PARD3B: variants seen among roughly 807,000 people sequenced by gnomAD.
PARD3B encodes par-3 family cell polarity regulator beta.
Under a neutral mutation model 130.2 loss-of-function variants are expected in PARD3B, and 103 were observed. The ratio of observed to expected loss-of-function variants is 0.79; its 90% CI spans 0.67 to 0.93. The LOEUF is 0.93. Among genes scored for constraint, PARD3B ranks in the 40% least tolerant of loss-of-function variants. The pLI, the probability that PARD3B is intolerant of heterozygous loss-of-function variation, is 0.00. For synonymous variants in PARD3B, 583 were observed against 553.2 expected (o/e 1.05, Z -0.76); for missense variants, 1,609 against 1,499.2 (o/e 1.07, Z -1.21).
chr2:204,950,182 T>C (rs966828841), intron 2 of PARD3B, among the ~76,000 whole-genome samples: 2 of 152,314 alleles, frequency 1.3e-5, no homozygotes, highest in East Asian at 1.9e-4. Flanking sequence ...TTACTGGTCA[T>C]GTAAACCTAA....
intron 1 of PARD3B, among the ~76,000 whole-genome samples, chr2:204,571,755 A>C (rs1201297944): frequency 6.6e-6 from 1 of 152,242 alleles, no homozygotes; most frequent in Non-Finnish European, 1.5e-5. Context: ...GTAGTAGATG[A>C]GTGAATGAGA....
At chr2:205,038,083 T>A (rs1417930637) in intron 3 of PARD3B, among the ~76,000 whole-genome samples, 2 of 152,126 alleles carry the variant, frequency 1.3e-5, no homozygotes, top group Non-Finnish European at 2.9e-5. Context: ...AGAGGTCACA[T>A]GATCTAGGAC....
intron 4 of PARD3B, among the ~76,000 whole-genome samples, chr2:205,052,683 A>G (rs1425282018): frequency 6.6e-6 from 1 of 151,928 alleles, no homozygotes; most frequent in Non-Finnish European, 1.5e-5. Flanking sequence ...CACAGTGAGC[A>G]GAATGAGAGA....
chr2:205,352,354 G>T lies in PARD3B; in HGVS notation c.2631-48659G>T, dbSNP rs2044026073. Among the ~76,000 whole-genome samples the T allele has an allele frequency of 1.3e-5, 2 of 152,150 alleles. No homozygotes were observed. The highest frequency in any genetic ancestry group is 4.8e-5 in the African/African-American group (2 of 41,436). ...GATTTTTGTGGTTTCTCATGTCGTGGATTACAGGGACTCTTGTAAATGGGT... is the reference window on the plus strand; with the variant it reads ...GATTTTTGTGGTTTCTCATGTCGTGTATTACAGGGACTCTTGTAAATGGGT... On this transcript the variant is annotated intron_variant, in intron 18 of 22. Transcript: ENST00000406610. This position sits in a 1 kb window ranked among gnomAD's most constrained non-coding sequence, Gnocchi z 5.2.
At chr2:205,400,555 C>G (rs113728091) in intron 18 of PARD3B, among the ~76,000 whole-genome samples, 3 of 152,032 alleles carry the variant, frequency 2.0e-5, no homozygotes, top group Non-Finnish European at 1.5e-5. Context: ...GCACGAGAAT[C>G]GCTTGAACCC....
chr2:204,923,308 C>A lies in PARD3B; in HGVS notation c.223-41844C>A, dbSNP rs1387820605. Among the ~76,000 whole-genome samples the A allele has an allele frequency of 2.6e-5, 4 of 151,722 alleles. No homozygotes were observed. The East Asian group carries it at 7.7e-4, about 29-fold the overall frequency. On this transcript the variant is annotated intron_variant, in intron 2 of 22. Transcript: ENST00000406610. ...ATAATTTAATTGTTCAGTTGTTTTG[C>A]TTTTGCTGGGAAATAATTTTGAAGG...
chr2:205,453,359 C>A (rs750925567), intron 20 of PARD3B, among the ~76,000 whole-genome samples: 1 of 152,070 alleles, frequency 6.6e-6, no homozygotes, highest in Non-Finnish European at 1.5e-5. Context: ...TCAGGGCCAG[C>A]TGGAGGCCAG....
intron 3 of PARD3B, among the ~76,000 whole-genome samples, chr2:205,043,272 C>T (rs1698516569): frequency 6.6e-6 from 1 of 152,036 alleles, no homozygotes; most frequent in South Asian, 2.1e-4. Flanking sequence ...CGAGATAACA[C>T]AGCTCACAAT....
At chr2:205,178,277 A>T (rs1467067845) in intron 13 of PARD3B, among the ~76,000 whole-genome samples, 2 of 151,870 alleles carry the variant, frequency 1.3e-5, no homozygotes, top group Non-Finnish European at 2.9e-5. Flanking sequence ...GATAAAAAAA[A>T]AATACTCAGT....
chr2:205,380,155 ATAAAGAATATATATTATATAATATG>A (rs1574857610), intron 18 of PARD3B, among the ~76,000 whole-genome samples: 2 of 107,120 alleles, frequency 1.9e-5, no homozygotes, highest in African/African-American at 7.2e-5. Flanking sequence ...TATATATTAT[ATAAAGAATATATATTATATAATATG>A]TAAAGAATAT....
intron 3 of PARD3B, among the ~76,000 whole-genome samples, chr2:204,999,023 A>T (rs749206605): frequency 7.3e-5 from 11 of 151,676 alleles, no homozygotes; most frequent in Non-Finnish European, 1.3e-4. Flanking sequence ...TTAAACTGGC[A>T]CTTCTAGAGT....
At chr2:204,820,294 C>A (rs1217728936) in intron 2 of PARD3B, among the ~76,000 whole-genome samples, 1 of 150,256 alleles carries the variant, frequency 6.7e-6, no homozygotes, top group East Asian at 2.1e-4. Context: ...TCAGGCTGGT[C>A]TTGAACTCCC....
chr2:204,614,142 A>G (rs1341068411), intron 1 of PARD3B, among the ~76,000 whole-genome samples: 2 of 152,142 alleles, frequency 1.3e-5, no homozygotes, highest in Non-Finnish European at 2.9e-5. Context: ...TGAGGACTTT[A>G]TAGACTAGTA....
intron 2 of PARD3B, among the ~76,000 whole-genome samples, chr2:204,886,881 G>A (rs1422939603): frequency 2.6e-5 from 4 of 152,152 alleles, no homozygotes; most frequent in Admixed American, 1.3e-4. Flanking sequence ...TAACATCAGG[G>A]TGTCATACAA....
chr2:205,467,144 A>G (rs1019116831), intron 20 of PARD3B, among the ~76,000 whole-genome samples: 1 of 152,238 alleles, frequency 6.6e-6, no homozygotes, highest in Non-Finnish European at 1.5e-5. Context: ...TTGTTTGAAT[A>G]CCAATATTTT....
At chr2:205,615,303 T>A (rs953336742) in intron 22 of PARD3B, among the ~76,000 whole-genome samples, 153 bp from the exon 23 acceptor site, 1 of 152,072 alleles carries the variant, frequency 6.6e-6, no homozygotes, top group Non-Finnish European at 1.5e-5. Context: ...TCCCTTCTCT[T>A]CTTTTTAAGG....
intron 2 of PARD3B, among the ~76,000 whole-genome samples, chr2:204,884,999 T>C (rs547886911): frequency 6.6e-6 from 1 of 152,316 alleles, no homozygotes; most frequent in South Asian, 2.1e-4. Flanking sequence ...TACCCAGTAA[T>C]GGGATTGCTG....
chr2:204,553,791 G>A (rs1228726596), intron 1 of PARD3B, among the ~76,000 whole-genome samples: 3 of 149,530 alleles, frequency 2.0e-5, no homozygotes, highest in South Asian at 2.1e-4. Flanking sequence ...AGACTATTAC[G>A]GCAAGTGAAG....
chr2:204,609,034 T>C (rs2033830732), intron 1 of PARD3B, among the ~76,000 whole-genome samples: 1 of 152,226 alleles, frequency 6.6e-6, no homozygotes, highest in Admixed American at 6.5e-5. Context: ...TAAGATTTGC[T>C]AGTTAAAAGT....
Sources: gnomAD v4.1 joint callset for allele counts (sites outside exome capture counted in the v4.1 genomes callset) on GRCh38, gnomAD v4.1.1 for gene constraint, Gnocchi (gnomAD v3.1) non-coding constraint, MANE v1.5 for transcripts, NCBI Gene and HGNC (gene_info 2026-07-23, HGNC 2026-07-21) for gene names.